The following DLGAP2 variants were observed in gnomAD, a reference collection of about 807,000 sequenced individuals.
The protein encoded by DLGAP2 is DLG associated protein 2, also known as disks large-associated protein 2.
DLGAP2 carries 26 observed loss-of-function variants against 100.3 expected under a neutral mutation model. The ratio of observed to expected loss-of-function variants is 0.26; its 90% CI spans 0.19 to 0.36. The LOEUF is 0.36. DLGAP2 is among the 10% of genes least tolerant of loss of function. The pLI is 1.00. For synonymous variants in DLGAP2, 886 were observed against 630.1 expected (o/e 1.41, Z -6.08); for missense variants, 1,858 against 1,453.2 (o/e 1.28, Z -4.53).
chr8:1,693,745 A>G (rs1382361857), intron 13 of DLGAP2, among the ~76,000 whole-genome samples: 1 of 152,220 alleles, frequency 6.6e-6, no homozygotes, highest in Non-Finnish European at 1.5e-5. Context: ...GCGATTTTAA[A>G]GAGTCACCAA....
chr8:1,504,158 C>T (rs1344207379), intron 4 of DLGAP2, among the ~76,000 whole-genome samples: 1 of 151,104 alleles, frequency 6.6e-6, no homozygotes, highest in Non-Finnish European at 1.5e-5. Context: ...ATGTATTTGT[C>T]TGAGAAAGGA....
chr8:1,138,443 C>T (rs536337480), intron 2 of DLGAP2, among the ~76,000 whole-genome samples: 8 of 152,226 alleles, frequency 5.3e-5, no homozygotes, highest in Admixed American at 1.3e-4. Flanking sequence ...TTCTGATCTG[C>T]CTCACTCGTG....
intron 2 of DLGAP2, among the ~76,000 whole-genome samples, chr8:1,022,736 G>C (rs1801664480): frequency 1.4e-5 from 2 of 139,256 alleles, no homozygotes. Flanking sequence ...CGAGGTAGAT[G>C]CTCCAACCAC....
intron 1 of DLGAP2, among the ~76,000 whole-genome samples, chr8:812,326 C>T (rs1796387810): frequency 6.6e-6 from 1 of 152,072 alleles, no homozygotes; most frequent in African/African-American, 2.4e-5. Flanking sequence ...GTCCTGACTG[C>T]CCATGGGGGA....
intron 1 of DLGAP2, among the ~76,000 whole-genome samples, chr8:874,975 G>A (rs1797662877): frequency 6.6e-6 from 1 of 152,092 alleles, no homozygotes; most frequent in African/African-American, 2.4e-5. Context: ...TGCTCCTGAT[G>A]GGTTGTCTCT....
intron 2 of DLGAP2, among the ~76,000 whole-genome samples, chr8:1,184,449 G>A (rs1381834451): frequency 5.3e-5 from 8 of 152,286 alleles, no homozygotes; most frequent in South Asian, 2.1e-4. Flanking sequence ...TGAAGGAGAC[G>A]GGCAGAAGAG....
At chr8:1,226,880 C>G (rs746705332) in intron 2 of DLGAP2, among the ~76,000 whole-genome samples, 1 of 151,876 alleles carries the variant, frequency 6.6e-6, no homozygotes, top group Admixed American at 6.6e-5. Context: ...AATGTTAGTG[C>G]AGAGAAAAGG....
intron 2 of DLGAP2, among the ~76,000 whole-genome samples, chr8:1,110,033 G>A (rs1197609323): frequency 9.2e-5 from 13 of 141,440 alleles, no homozygotes; most frequent in East Asian, 9.0e-4. Flanking sequence ...AGGTGTGCAC[G>A]TGCCTATGAA....
chr8:994,720 G>T (rs750849708), intron 2 of DLGAP2, among the ~76,000 whole-genome samples: 3 of 152,184 alleles, frequency 2.0e-5, no homozygotes, highest in Admixed American at 1.3e-4. Context: ...TCATATGACT[G>T]CTGGGCATTG....
At chr8:1,039,571 CGTGGTCAGCTCGGTGTGCGTGGTCAGCTT>C (rs1802246350) in intron 2 of DLGAP2, among the ~76,000 whole-genome samples, 1 of 109,302 alleles carries the variant, frequency 9.1e-6, no homozygotes. Flanking sequence ...GCTTGGTGTG[CGTGGTCAGCTCGGTGTGCGTGGTCAGCTT>C]GGTGTGCGTG....
At chr8:1,374,883 G>A (rs1427631258) in intron 3 of DLGAP2, among the ~76,000 whole-genome samples, 6 of 152,154 alleles carry the variant, frequency 3.9e-5, no homozygotes, top group South Asian at 4.1e-4. Context: ...TTCGTCTTCC[G>A]TGACTCGCCT....
At chr8:1,033,758 C>G (rs1188562611) in intron 2 of DLGAP2, among the ~76,000 whole-genome samples, 1 of 150,130 alleles carries the variant, frequency 6.7e-6, no homozygotes. Context: ...TCATCCCGAC[C>G]CCGCGTGTCA....
chr8:803,766 A>G (rs1019893339), intron 1 of DLGAP2, among the ~76,000 whole-genome samples: 8 of 152,206 alleles, frequency 5.3e-5, no homozygotes, highest in Admixed American at 5.2e-4. Flanking sequence ...TTTGAATTTT[A>G]TATTCCCATT....
At chr8:1,501,339 A>G (rs1455265224) in intron 3 of DLGAP2, 27 bp from the exon 4 acceptor site, 1 of 1,535,680 alleles carries the variant, frequency 6.5e-7, no homozygotes, top group Non-Finnish European at 8.7e-7. Flanking sequence ...AACGCATTAA[A>G]GAGTGACTTT....
At chr8:1,230,903 C>T (rs1352430685) in intron 2 of DLGAP2, among the ~76,000 whole-genome samples, 1 of 152,030 alleles carries the variant, frequency 6.6e-6, no homozygotes, top group Admixed American at 6.6e-5. Flanking sequence ...CTTCAAGAAT[C>T]CTAAGAAAAA....
intron 2 of DLGAP2, among the ~76,000 whole-genome samples, chr8:1,258,233 A>G (rs1799269824): frequency 6.6e-6 from 1 of 152,238 alleles, no homozygotes. Flanking sequence ...AGGTTTCAAT[A>G]TTGAAACTGG....
At chr8:987,960 G>T (rs1230374386) in intron 2 of DLGAP2, among the ~76,000 whole-genome samples, 1 of 152,120 alleles carries the variant, frequency 6.6e-6, no homozygotes, top group Non-Finnish European at 1.5e-5. Flanking sequence ...GCTTCTCTGT[G>T]GCTTCAGTGA....
chr8:1,376,329 G>C (rs907014215), intron 3 of DLGAP2, among the ~76,000 whole-genome samples: 3 of 152,228 alleles, frequency 2.0e-5, no homozygotes, highest in African/African-American at 4.8e-5. Context: ...CCATCAGCCA[G>C]CTCCTGTGCA....
chr8:1,282,993 C>A (rs1198153188), intron 3 of DLGAP2, among the ~76,000 whole-genome samples: 1 of 131,106 alleles, frequency 7.6e-6, no homozygotes, highest in African/African-American at 2.9e-5. Flanking sequence ...GAATCCAGCC[C>A]CCTGAACCAT....
Sources: allele counts gnomAD v4.1 joint callset (sites outside exome capture counted in the v4.1 genomes callset), GRCh38; gene constraint gnomAD v4.1.1; transcripts MANE v1.5; gene names NCBI Gene and HGNC (gene_info 2026-07-23, HGNC 2026-07-21).